The following DRGX variants were observed in gnomAD, a reference collection of about 807,000 sequenced individuals.
DRGX encodes dorsal root ganglia homeobox.
Under a neutral mutation model 28.6 loss-of-function variants are expected in DRGX, and 21 were observed. The ratio of observed to expected loss-of-function variants is 0.73; its 90% CI spans 0.52 to 1.06. DRGX has a LOEUF of 1.06. Ranked by LOEUF, DRGX falls within the 50% of genes least tolerant of loss-of-function variation. DRGX has a pLI of 0.00. For synonymous variants in DRGX, 136 were observed against 139.1 expected, an observed-to-expected ratio of 0.98 and a Z score of 0.16; for missense variants, 354 against 343.9, an observed-to-expected ratio of 1.03 and a Z score of -0.23.
chr10:49,395,321 C>T, intron 2 of DRGX, 86 bp downstream of exon 2: 1 of 1,514,446 alleles, frequency 6.6e-7, no homozygotes, highest in Non-Finnish European at 8.9e-7. Context: ...GGCGGGGACC[C>T]AGCCACCCAC....
At chr10:49,381,674 G>C (rs1264265141) in intron 6 of DRGX, among the ~76,000 whole-genome samples, 1 of 152,224 alleles carries the variant, frequency 6.6e-6, no homozygotes, top group African/African-American at 2.4e-5. Context: ...TGGGAGAACA[G>C]GTCTTGCCCT....
chr10:49,373,496 C>T (rs1007748917), intron 6 of DRGX, among the ~76,000 whole-genome samples: 3 of 152,154 alleles, frequency 2.0e-5, no homozygotes, highest in African/African-American at 7.2e-5. Context: ...AAGGTGACAG[C>T]ATTGGGAGGT....
chr10:49,366,109 T>C lies in DRGX; in HGVS notation c.*7A>G. ...GGAGGGCAGGCCGGGCGGGGCACTG[T>C]GGACCCTCATACACTCTTCTCTGCC... On this transcript the variant is annotated 3_prime_UTR_variant, in exon 7 of 7. Transcript: ENST00000374139. The C allele has an allele frequency of 1.3e-6, 2 of 1,550,414 alleles. No individual in the cohort carries two copies. The highest frequency in any genetic ancestry group is 2.4e-5 in the South Asian group (2 of 81,680).
chr10:49,368,777 T>C (rs1849625725), intron 6 of DRGX, among the ~76,000 whole-genome samples: 1 of 152,282 alleles, frequency 6.6e-6, no homozygotes, highest in Non-Finnish European at 1.5e-5. Context: ...ATTTAGAATT[T>C]TTCTTGTTTT....
intron 3 of DRGX, 123 bp from the exon 4 acceptor site, chr10:49,390,357 C>G: frequency 2.4e-6 from 2 of 821,558 alleles, no homozygotes; most frequent in East Asian, 2.7e-5. Flanking sequence ...CGAGGAAGGA[C>G]AGGGAGAAGA....
intron 6 of DRGX, among the ~76,000 whole-genome samples, chr10:49,385,020 GC>G (rs753102008): frequency 6.6e-6 from 1 of 152,166 alleles, no homozygotes; most frequent in Non-Finnish European, 1.5e-5. Flanking sequence ...CCAAGCGCCA[GC>G]CCCTTGGATG....
At chr10:49,385,551 C>G (rs2132481664) in intron 6 of DRGX, among the ~76,000 whole-genome samples, 1 of 152,318 alleles carries the variant, frequency 6.6e-6, no homozygotes, top group Admixed American at 6.5e-5. Flanking sequence ...CAGAAACCAC[C>G]TTTGCAACAC....
At chr10:49,382,431 A>G (rs1251301119) in intron 6 of DRGX, among the ~76,000 whole-genome samples, 2 of 152,192 alleles carry the variant, frequency 1.3e-5, no homozygotes, top group Non-Finnish European at 2.9e-5. Context: ...TGAGAAAAGG[A>G]GAACTAGTTC....
At chr10:49,379,078 T>C (rs1270196608) in intron 6 of DRGX, among the ~76,000 whole-genome samples, 1 of 152,178 alleles carries the variant, frequency 6.6e-6, no homozygotes. Flanking sequence ...AGATTTGGGA[T>C]GCTCAACCAC....
At chr10:49,366,883 T>C (rs2132467380) in intron 6 of DRGX, among the ~76,000 whole-genome samples, 1 of 152,358 alleles carries the variant, frequency 6.6e-6, no homozygotes, top group East Asian at 1.9e-4. Flanking sequence ...CACGAGATCC[T>C]GCTGCATTCC....
At chr10:49,388,670 G>A (rs189691472) in intron 4 of DRGX, among the ~76,000 whole-genome samples, 1 of 152,196 alleles carries the variant, frequency 6.6e-6, no homozygotes, top group Admixed American at 6.5e-5. Context: ...ACTTTGCACT[G>A]ACAGTTCGCC....
At chr10:49,386,367 A>G in intron 6 of DRGX, 111 bp downstream of exon 6, 1 of 909,432 alleles carries the variant, frequency 1.1e-6, no homozygotes, top group Non-Finnish European at 1.6e-6. Context: ...GAGGCGAGGA[A>G]GCTGCACAGG....
intron 6 of DRGX, among the ~76,000 whole-genome samples, chr10:49,368,275 T>C (rs1024461278): frequency 6.6e-6 from 1 of 152,198 alleles, no homozygotes; most frequent in African/African-American, 2.4e-5. Context: ...TCCTGTATTG[T>C]AATGGGAGGT....
At chr10:49,380,736 T>G (rs1849765784) in intron 6 of DRGX, among the ~76,000 whole-genome samples, 1 of 152,212 alleles carries the variant, frequency 6.6e-6, no homozygotes, top group African/African-American at 2.4e-5. Flanking sequence ...AAAGGTAAAT[T>G]TCAGTAGCAA....
At chr10:49,367,025 G>A (rs1379975963) in intron 6 of DRGX, among the ~76,000 whole-genome samples, 1 of 152,184 alleles carries the variant, frequency 6.6e-6, no homozygotes, top group Non-Finnish European at 1.5e-5. Flanking sequence ...AAGCTTATAA[G>A]GCACATAAGC....
chr10:49,374,900 A>G (rs1284186461), intron 6 of DRGX, among the ~76,000 whole-genome samples: 2 of 152,226 alleles, frequency 1.3e-5, no homozygotes, highest in Non-Finnish European at 2.9e-5. Flanking sequence ...GAAAATGAAT[A>G]CATGGATTTA....
chr10:49,383,890 CTG>C (rs1849803983), intron 6 of DRGX, among the ~76,000 whole-genome samples: 1 of 152,258 alleles, frequency 6.6e-6, no homozygotes, highest in Admixed American at 6.5e-5. Context: ...GCATAGGGCA[CTG>C]TGTTATAGCA....
chr10:49,394,992 C>T (rs1849949859), intron 2 of DRGX, among the ~76,000 whole-genome samples: 4 of 152,232 alleles, frequency 2.6e-5, no homozygotes, highest in Non-Finnish European at 4.4e-5. Context: ...CTTGTAGGCT[C>T]GTGCAGCTCG....
chr10:49,381,771 A>C (rs988640772), intron 6 of DRGX, among the ~76,000 whole-genome samples: 2 of 152,210 alleles, frequency 1.3e-5, no homozygotes, highest in Non-Finnish European at 2.9e-5. Context: ...CCTCAGTCAC[A>C]GGGGAGCAGC....
Sources: allele counts gnomAD v4.1 joint callset (sites outside exome capture counted in the v4.1 genomes callset), GRCh38; gene constraint gnomAD v4.1.1; transcripts MANE v1.5; gene names NCBI Gene and HGNC (gene_info 2026-07-23, HGNC 2026-07-21).